Variants in TEX22 observed in about 807,000 individuals in gnomAD.
TEX22 encodes the protein testis expressed 22.
A neutral mutation model predicts 11.3 loss-of-function variants in TEX22; 16 were observed. The ratio of observed to expected loss-of-function variants is 1.42; its 90% CI spans 0.96 to 2.15. The LOEUF (loss-of-function observed/expected upper bound fraction) is 2.15. Ranked by LOEUF, TEX22 falls within the 30% of genes most tolerant of loss-of-function variation. The pLI is 0.00. For missense variants in TEX22, 220 were observed against 208.6 expected (o/e 1.05, Z -0.34); for synonymous variants, 97 against 92.3 (o/e 1.05, Z -0.29).
rs139672711 is a variant in TEX22, at chr14:105,408,359, A to T, written c.151-3009A>T. Among the ~76,000 whole-genome samples, 74 of 151,402 alleles carry T rather than the reference A, an allele frequency of 4.9e-4. 2 individuals carry two copies. In the East Asian group the frequency reaches 0.013, roughly 26 times the overall value. On this transcript the variant is annotated intron_variant, in intron 2 of 3. Coordinates refer to ENST00000451127, the MANE Select transcript of TEX22 (RefSeq NM_001195082.2). ...GGGGTTCAAGTGGTTCTCCTGCCTC[A>T]GCCTCCCAAGTAGCTGGGACTACAG...
chr14:105,411,850 A>G lies in TEX22; in HGVS notation c.*17A>G. On this transcript the variant is annotated 3_prime_UTR_variant, in exon 4 of 4. Transcript: ENST00000451127. ...CCTTCCTAAGAGCCCCATTCAGCCC[A>G]TTGTCTGTCTTCCAGTGCCTTTCCT... The G allele has an allele frequency of 7.2e-7, 1 of 1,387,744 alleles. No homozygotes were observed. The highest frequency in any genetic ancestry group is 2.9e-5 in the Admixed American group (1 of 34,998). 86.0% of individuals were successfully genotyped at this position (1,387,744 alleles called of 1,614,324 possible). A position where few individuals can be genotyped will look rare whatever the true frequency, so the allele number is the denominator to read the frequency against.
Position 105,411,945 on chromosome 14 carries a change from GT to G in TEX22, c.*114del. Reference sequence around the variant, plus strand: ...CACCAGGGGGTCACCACCCACCCATGTTAGGAAAACAGGCCAGGCAGGACCT... The same window carrying G: ...CACCAGGGGGTCACCACCCACCCATGTAGGAAAACAGGCCAGGCAGGACCT... On this transcript the variant is annotated 3_prime_UTR_variant, in exon 4 of 4. Transcript: ENST00000451127. 8.7e-7 allele frequency: 1 copy of G among 1,147,696 alleles called. No individual in the cohort carries two copies. The highest frequency in any genetic ancestry group is 1.2e-6 in the Non-Finnish European group (1 of 858,600). The allele number at this position is 1,147,696 out of a possible 1,614,324, so 71.1% of individuals were successfully genotyped here.
intron 2 of TEX22, among the ~76,000 whole-genome samples, chr14:105,403,498 C>G (rs1372133068): frequency 1.3e-5 from 2 of 152,238 alleles, no homozygotes; most frequent in Non-Finnish European, 2.9e-5. Context: ...TCACAGCTCA[C>G]TACAGCCTGG....
At position 105,399,436 on chromosome 14, in the gene TEX22, G is replaced by A; in HGVS notation, c.96G>A (p.Trp32Ter). Residue 32 changes from tryptophan (W) to a stop codon, truncating the protein, a stop_gained, in exon 2 of 4, where the codon TGG (tryptophan) becomes TGA (stop). Coordinates refer to ENST00000451127, the MANE Select transcript of TEX22 (RefSeq NM_001195082.2). LOFTEE classifies it high-confidence loss of function. ...RRPPLGLIAA[W>*]GQPSIQSSVQ... Reference sequence around the variant, plus strand: ...CCCCACTGGGCCTGATAGCAGCCTGGGGCCAGCCCAGTATCCAGAGCAGCG... The same window carrying A: ...CCCCACTGGGCCTGATAGCAGCCTGAGGCCAGCCCAGTATCCAGAGCAGCG... 2 of 1,535,818 alleles carry A rather than the reference G, an allele frequency of 1.3e-6. No homozygotes were observed. The highest frequency in any genetic ancestry group is 1.7e-6 in the Non-Finnish European group (2 of 1,146,790).
chr14:105,411,345 C>T, intron 2 of TEX22, 23 bp from the exon 3 acceptor site: 2 of 1,285,738 alleles, frequency 1.6e-6, no homozygotes, highest in Non-Finnish European at 2.0e-6. Context: ...AGGCCCTCGC[C>T]GACCCGCTGC....
chr14:105,409,575 A>C (rs1566986264), intron 2 of TEX22, among the ~76,000 whole-genome samples: 1 of 145,796 alleles, frequency 6.9e-6, no homozygotes, highest in African/African-American at 2.6e-5. Context: ...ATCCTAGCTC[A>C]CTGTGGCCTT....
At chr14:105,408,793 C>T (rs1301005350) in intron 2 of TEX22, among the ~76,000 whole-genome samples, 1 of 152,120 alleles carries the variant, frequency 6.6e-6, no homozygotes, top group Non-Finnish European at 1.5e-5. Context: ...AAGGGTGTAG[C>T]GCCCCTTCCC....
intron 2 of TEX22, among the ~76,000 whole-genome samples, chr14:105,401,108 T>C (rs781985637): frequency 6.6e-6 from 1 of 152,218 alleles, no homozygotes; most frequent in Non-Finnish European, 1.5e-5. Flanking sequence ...GCCGTAAGGA[T>C]GGGTCCTGCA....
chr14:105,402,525 C>T (rs375099300), intron 2 of TEX22, among the ~76,000 whole-genome samples: 88 of 151,938 alleles, frequency 5.8e-4, no homozygotes, highest in East Asian at 3.9e-3. Context: ...GAGGCTGGGG[C>T]GGGCAGATCA....
At chr14:105,399,556 C>T in intron 2 of TEX22, 66 bp downstream of exon 2, 1 of 1,459,290 alleles carries the variant, frequency 6.9e-7, no homozygotes, top group Middle Eastern at 1.8e-4. Flanking sequence ...GCCGCTGTCT[C>T]TGAAAACTCC....
rs587623637 is a variant in TEX22 at position 105,411,425 on chromosome 14, G to A, written c.208G>A (p.Glu70Lys). The A allele has an allele frequency of 1.3e-3, 1,607 of 1,248,566 alleles. 18 individuals carry two copies. The African/African-American group carries it at 0.023, about 18-fold the overall frequency. The allele number at this position is 1,248,566 out of a possible 1,614,324, so 77.3% of individuals were successfully genotyped here. ...CCGCCGCTGGAGCGTCAGCATCGAC[G>A]AGCGCCGGCGGCTGGCCACGCTGGG... is the stretch of plus-strand genomic sequence containing the variant. Reference protein sequence around the residue: ...PGRRWSVSIDERRRLATLGGR... With the variant: ...PGRRWSVSIDKRRRLATLGGR... Residue 70 changes from glutamate (E) to lysine (K), a missense_variant, in exon 3 of 4, where the codon GAG becomes AAG. Glu to Lys is a moderately conservative substitution (Grantham distance 56). Transcript: ENST00000451127.
chr14:105,405,372 G>A (rs1436422547), intron 2 of TEX22, among the ~76,000 whole-genome samples: 2 of 152,150 alleles, frequency 1.3e-5, no homozygotes, highest in Non-Finnish European at 2.9e-5. Flanking sequence ...CAGAAGAACA[G>A]AAGGAGATAC....
chr14:105,402,681 G>T (rs985900868), intron 2 of TEX22, among the ~76,000 whole-genome samples: 4 of 151,872 alleles, frequency 2.6e-5, no homozygotes, highest in East Asian at 1.9e-4. Flanking sequence ...GCGTGAACCC[G>T]GGAGGCGGAG....
intron 2 of TEX22, among the ~76,000 whole-genome samples, chr14:105,406,759 G>A (rs2141359981): frequency 6.6e-6 from 1 of 151,916 alleles, no homozygotes; most frequent in Admixed American, 6.6e-5. Context: ...AGTTGGTGAG[G>A]ATGTAAGGAA....
At position 105,399,337 on chromosome 14, in the gene TEX22, A is replaced by C; in HGVS notation, c.-4A>C. On this transcript the variant is annotated 5_prime_UTR_variant, in exon 2 of 4. Transcript: ENST00000451127. ...TGTGGACAAGCAGCCTACTAGGGCT[A>C]GAGATGGACAGCAGGAAACTGTCCC... is the stretch of plus-strand genomic sequence containing the variant. 6.5e-7 allele frequency: 1 copy of C among 1,533,094 alleles called. No individual in the cohort carries two copies. Among genetic ancestry groups the C allele is most frequent in the South Asian group, 1.2e-5 (1 of 83,990 alleles). The allele number at this position is 1,533,094 out of a possible 1,614,324, so 95.0% of individuals were successfully genotyped here.
At chr14:105,399,163 G>A (rs1566982718) in intron 1 of TEX22, 139 bp from the exon 2 acceptor site, 1 of 601,802 alleles carries the variant, frequency 1.7e-6, no homozygotes, top group Non-Finnish European at 2.9e-6. Flanking sequence ...AGAGGGGTCA[G>A]TGATGCCTGA....
Position 105,405,566 on chromosome 14 carries a change from A to G in TEX22, c.151-5802A>G, listed in dbSNP as rs139632732. Among the ~76,000 whole-genome samples, 16 of 152,306 alleles carry G rather than the reference A, an allele frequency of 1.1e-4. No homozygotes were observed. In the East Asian group the frequency reaches 3.1e-3, roughly 29 times the overall value. ...ACCGCAGGGTGAAGATGGACACCAA[A>G]CGGCCGTGCATCAGTTCACATTGCA... On this transcript the variant is annotated intron_variant, in intron 2 of 3. Coordinates refer to ENST00000451127, the MANE Select transcript of TEX22 (RefSeq NM_001195082.2).
At chr14:105,411,069 C>T (rs111398042) in intron 2 of TEX22, among the ~76,000 whole-genome samples, 6,119 of 152,316 alleles carry the variant, frequency 0.04, 400 homozygotes, top group African/African-American at 0.14. Context: ...GTTCTCCTGC[C>T]GGTCAAGCCG....
chr14:105,408,908 GT>G, intron 2 of TEX22, among the ~76,000 whole-genome samples: 1 of 152,146 alleles, frequency 6.6e-6, no homozygotes, highest in African/African-American at 2.4e-5. Flanking sequence ...TGTTGCCTTT[GT>G]GCTGTTTTCC....
Sources: allele counts gnomAD v4.1 joint callset (sites outside exome capture counted in the v4.1 genomes callset), GRCh38; gene constraint gnomAD v4.1.1; transcripts MANE v1.5; gene names NCBI Gene and HGNC (gene_info 2026-07-23, HGNC 2026-07-21).